TTBK1: variants seen among roughly 807,000 people sequenced by gnomAD.
The protein encoded by TTBK1 is tau-tubulin kinase 1.
A neutral mutation model predicts 108.5 loss-of-function variants in TTBK1; 34 were observed. The observed-to-expected ratio is 0.31, with a 90% CI of 0.24 to 0.42. The LOEUF (loss-of-function observed/expected upper bound fraction) is 0.42, where lower values mean the gene tolerates loss of function less well. Ranked by LOEUF, TTBK1 falls within the 10% of genes least tolerant of loss-of-function variation. The probability of loss-of-function intolerance (pLI) is 1.00; values close to 1 mark genes in which losing one functional copy is unlikely to be tolerated. For missense variants in TTBK1, 1,539 were observed against 1,826.0 expected (o/e 0.84, Z 2.86); for synonymous variants, 809 against 795.1 (o/e 1.02, Z -0.29).
In TTBK1 at chr6:43,269,360, G is replaced by C. The variant is rs199827162; in HGVS notation, c.1986+6010G>C. 3.2e-4 allele frequency among the ~76,000 whole-genome samples: 49 copies of C among 152,350 alleles called. No homozygotes were observed. Among genetic ancestry groups the C allele is most frequent in the East Asian group, 1.3e-3 (7 of 5,186 alleles). On this transcript the variant is annotated intron_variant, in intron 13 of 14. Transcript: ENST00000259750. This position sits in a 1 kb window ranked among gnomAD's most constrained non-coding sequence, Gnocchi z 4.8. ...AGCTAGGTAGGACTAAGCCAGGAAG[G>C]CTTCTCGGAGGAGGTGAGTGACCAT...
At chr6:43,252,057 T>C (rs1777256891) in intron 2 of TTBK1, among the ~76,000 whole-genome samples, 2 of 152,060 alleles carry the variant, frequency 1.3e-5, no homozygotes, top group Non-Finnish European at 2.9e-5. Context: ...GGGAACATGA[T>C]ATTTGTTGTC....
intron 1 of TTBK1, among the ~76,000 whole-genome samples, chr6:43,245,927 C>T (rs1277189047): frequency 6.6e-6 from 1 of 152,198 alleles, no homozygotes. Flanking sequence ...AAATCCATGT[C>T]TTGAGTCCAT....
At position 43,243,556 on chromosome 6, in the gene TTBK1, G is replaced by A. The variant is rs1264469521; in HGVS notation, c.-207G>A. 1 of 152,720 alleles carries A rather than the reference G, an allele frequency of 6.5e-6. No individual in the cohort carries two copies. Among genetic ancestry groups the A allele is most frequent in the Non-Finnish European group, 1.5e-5 (1 of 68,094 alleles). The allele number at this position is 152,720 out of a possible 1,614,324, so 9.5% of individuals were successfully genotyped here. On this transcript the variant is annotated 5_prime_UTR_variant, in exon 1 of 15. It removes an upstream start codon present in the reference 5' UTR. Transcript: ENST00000259750. The surrounding 1 kb of genome is among the most constrained non-coding windows in gnomAD (Gnocchi z 5.5). Reference sequence around the variant, plus strand: ...GATCGGGGCCGGGCCGGGCCGGGATGATCCGGGTCGGAAGGCCGCCGCCGC... The same window carrying A: ...GATCGGGGCCGGGCCGGGCCGGGATAATCCGGGTCGGAAGGCCGCCGCCGC...
At chr6:43,264,464 A>G (rs1056693403) in intron 13 of TTBK1, among the ~76,000 whole-genome samples, 14 of 152,222 alleles carry the variant, frequency 9.2e-5, no homozygotes, top group African/African-American at 3.1e-4. Context: ...CCTGAGGCTC[A>G]GGAGAGGGAT....
At position 43,282,942 on chromosome 6, in the gene TTBK1, A is replaced by AGAG. The variant is rs752058712; in HGVS notation, c.2217_2219dup (p.Glu740dup). On this transcript the variant is annotated inframe_insertion, in exon 14 of 15. Transcript: ENST00000259750. The surrounding 1 kb of genome is among the most constrained non-coding windows in gnomAD (Gnocchi z 5.4). ...AGCCTCAGGCTAATGGGAAGGAGGA[A>AGAG]GAGGAGGAGGAGGAGGAAGATGAGG... The AGAG allele has an allele frequency of 5.6e-4, 891 of 1,579,850 alleles. 6 individuals are homozygous for AGAG. Among genetic ancestry groups the AGAG allele is most frequent in the Admixed American group, 6.6e-4 (39 of 58,970 alleles).
rs1261653638 is a variant in TTBK1 at position 43,269,288 on chromosome 6, C to T, written c.1986+5938C>T. On this transcript the variant is annotated intron_variant, in intron 13 of 14. Coordinates refer to ENST00000259750, the MANE Select transcript of TTBK1 (RefSeq NM_032538.3). This position sits in a 1 kb window ranked among gnomAD's most constrained non-coding sequence, Gnocchi z 4.8. ...TGGCAAGGAACTCTCTCAGAGCACACAGCCACGTTCCTGAGAGAAAGGGTT... is the reference window on the plus strand; with the variant it reads ...TGGCAAGGAACTCTCTCAGAGCACATAGCCACGTTCCTGAGAGAAAGGGTT... Among the ~76,000 whole-genome samples the T allele has an allele frequency of 6.6e-6, 1 of 152,208 alleles. No individual in the cohort carries two copies. Among genetic ancestry groups the T allele is most frequent in the Non-Finnish European group, 1.5e-5 (1 of 68,034 alleles).
intron 13 of TTBK1, chr6:43,270,291 T>G: frequency 9.1e-7 from 1 of 1,103,864 alleles, no homozygotes; most frequent in Non-Finnish European, 1.1e-6. Context: ...GTCAGGGAGA[T>G]GAGGCCTGCA....
chr6:43,266,481 A>T (rs544692153), intron 13 of TTBK1, among the ~76,000 whole-genome samples: 4 of 152,216 alleles, frequency 2.6e-5, no homozygotes, highest in Non-Finnish European at 4.4e-5. Flanking sequence ...AAGTAAGAAA[A>T]CTAAGACTCA....
At position 43,284,290 on chromosome 6, in the gene TTBK1, T is replaced by C. The variant is rs1162285310; in HGVS notation, c.3550T>C (p.Leu1184=). The C allele has an allele frequency of 3.2e-6, 5 of 1,581,636 alleles. No individual in the cohort carries two copies. The African/African-American group carries it at 6.7e-5, about 21-fold the overall frequency. ...ASRSHGAAPA[L]DTAITSRLQL... is the part of the protein sequence containing the mutation. ...CAGATCCCATGGCGCGGCCCCAGCA[T>C]TGGACACAGCCATCACCAGCAGGTG... The change falls in exon 14 of 15, where the codon TTG becomes CTG. Residue 1184 remains leucine (L), a synonymous_variant. Coordinates refer to ENST00000259750, the MANE Select transcript of TTBK1 (RefSeq NM_032538.3).
At chr6:43,247,338 C>A (rs991054800) in intron 2 of TTBK1, among the ~76,000 whole-genome samples, 3 of 152,182 alleles carry the variant, frequency 2.0e-5, no homozygotes, top group Admixed American at 1.3e-4. Context: ...TCGGGCTGCT[C>A]GGCCTGCTGG....
Position 43,283,646 on chromosome 6 carries a change from G to A in TTBK1, c.2906G>A (p.Gly969Asp). ...ELGLELASDGGAVEEGARAPL... is the reference protein window; with the variant it reads ...ELGLELASDGDAVEEGARAPL... ...GGTCTGGAGCTGGCCTCTGATGGGG[G>A]CGCTGTGGAGGAGGGGGCCCGAGCG... The change falls in exon 14 of 15, where the codon GGC (glycine) becomes GAC (aspartate). Residue 969 changes from glycine to aspartate, a missense_variant. Transcript: ENST00000259750. The surrounding 1 kb of genome is among the most constrained non-coding windows in gnomAD (Gnocchi z 8.1). 3 of 1,614,056 alleles carry A rather than the reference G, an allele frequency of 1.9e-6. No homozygotes were observed. The highest frequency in any genetic ancestry group is 1.7e-6 in the Non-Finnish European group (2 of 1,179,982).
rs1273240271 is a variant in TTBK1, at chr6:43,269,926, G to T, written c.1986+6576G>T. The T allele has an allele frequency of 6.7e-7, 1 of 1,483,052 alleles. No individual in the cohort carries two copies. The highest frequency in any genetic ancestry group is 8.9e-7 in the Non-Finnish European group (1 of 1,118,728). The allele number at this position is 1,483,052 out of a possible 1,614,324, so 91.9% of individuals were successfully genotyped here. A position where few individuals can be genotyped will look rare whatever the true frequency, so the allele number is the denominator to read the frequency against. On this transcript the variant is annotated intron_variant, in intron 13 of 14. Coordinates refer to ENST00000259750, the MANE Select transcript of TTBK1 (RefSeq NM_032538.3). This position sits in a 1 kb window ranked among gnomAD's most constrained non-coding sequence, Gnocchi z 4.8. ...TCGCGGTCCCAGCTGCAGCAGGTGT[G>T]GGCCCGGTTCACCCACAAGACCTAG...
In TTBK1 at chr6:43,269,565, G is replaced by A; in HGVS notation, c.1986+6215G>A. ...CGCCGGCGCCGCAGGGGCTGTGAGC[G>A]GTGGGTGGCCCCGGAGACGGAGCTG... is the stretch of plus-strand genomic sequence containing the variant. On this transcript the variant is annotated intron_variant, in intron 13 of 14. Coordinates refer to ENST00000259750, the MANE Select transcript of TTBK1 (RefSeq NM_032538.3). This position sits in a 1 kb window ranked among gnomAD's most constrained non-coding sequence, Gnocchi z 4.8. 2 of 1,438,270 alleles carry A rather than the reference G, an allele frequency of 1.4e-6. No individual in the cohort carries two copies. Among genetic ancestry groups the A allele is most frequent in the South Asian group, 1.4e-5 (1 of 70,290 alleles). The allele number at this position is 1,438,270 out of a possible 1,614,324, so 89.1% of individuals were successfully genotyped here.
chr6:43,276,371 G>C lies in TTBK1; in HGVS notation c.1987-6356G>C, dbSNP rs558298207. ...TTAGTGTACATAGCGGCGTCGGGGG[G>C]TGGCCCCAGGCCCGGGTAGAAAAGC... is the stretch of plus-strand genomic sequence containing the variant. On this transcript the variant is annotated intron_variant, in intron 13 of 14. Coordinates refer to ENST00000259750, the MANE Select transcript of TTBK1 (RefSeq NM_032538.3). This position sits in a 1 kb window ranked among gnomAD's most constrained non-coding sequence, Gnocchi z 5.4. Among the ~76,000 whole-genome samples, 1 of 152,042 alleles carries C rather than the reference G, an allele frequency of 6.6e-6. No homozygotes were observed. The highest frequency in any genetic ancestry group is 1.5e-5 in the Non-Finnish European group (1 of 67,994).
intron 2 of TTBK1, among the ~76,000 whole-genome samples, chr6:43,249,283 C>T (rs72867580): frequency 0.016 from 2,375 of 152,210 alleles, 30 homozygotes; most frequent in Non-Finnish European, 0.026. Context: ...CTCCCAAGGA[C>T]CAGTGCCGAT....
chr6:43,280,030 TCTAA>T (rs1170146890), intron 13 of TTBK1, among the ~76,000 whole-genome samples: 2 of 151,976 alleles, frequency 1.3e-5, no homozygotes, highest in Non-Finnish European at 2.9e-5. Flanking sequence ...AAGAAAACTT[TCTAA>T]CTAAGAAAAG....
chr6:43,270,414 GGTGTGTGTGTGTGTGTGTGTGTGT>G (rs3078973), intron 13 of TTBK1: 2 of 928,058 alleles, frequency 2.2e-6, no homozygotes, highest in African/African-American at 1.9e-5. Flanking sequence ...CTCCTTGCAT[GGTGTGTGTGTGTGTGTGTGTGTGT>G]GTGTGTGTGT....
Position 43,257,017 on chromosome 6 carries a change from A to G in TTBK1, c.862-795A>G, listed in dbSNP as rs7764257. On this transcript the variant is annotated intron_variant, in intron 9 of 14. Transcript: ENST00000259750. This position sits in a 1 kb window ranked among gnomAD's most constrained non-coding sequence, Gnocchi z 4.5. Reference sequence around the variant, plus strand: ...CAGTGTTCTGCCTGGGATCCACTACACGCCAGGCACGATGCTGCATACTGT... The same window carrying G: ...CAGTGTTCTGCCTGGGATCCACTACGCGCCAGGCACGATGCTGCATACTGT... 0.32 allele frequency among the ~76,000 whole-genome samples: 48,643 copies of G among 151,944 alleles called. 7,839 individuals are homozygous for G. Among genetic ancestry groups the G allele is most frequent in the East Asian group, 0.37 (1,883 of 5,148 alleles).
At position 43,262,830 on chromosome 6, in the gene TTBK1, GCTC is replaced by G; in HGVS notation, c.1470_1472del (p.Ser491del). 1 of 1,598,292 alleles carries G rather than the reference GCTC, an allele frequency of 6.3e-7. No individual in the cohort carries two copies. The highest frequency in any genetic ancestry group is 2.2e-5 in the East Asian group (1 of 44,460). On this transcript the variant is annotated inframe_deletion, in exon 13 of 15. Coordinates refer to ENST00000259750, the MANE Select transcript of TTBK1 (RefSeq NM_032538.3). ...CCTGGCTCGCCCTCGCGCCAGGCCTGCTCCTCTCAGCCAGCCCAGATGCTGTCA... is the reference window on the plus strand; with the variant it reads ...CCTGGCTCGCCCTCGCGCCAGGCCTGCTCTCAGCCAGCCCAGATGCTGTCA...
Sources: gnomAD v4.1 joint callset for allele counts (sites outside exome capture counted in the v4.1 genomes callset) on GRCh38, gnomAD v4.1.1 for gene constraint, Gnocchi (gnomAD v3.1) non-coding constraint, MANE v1.5 for transcripts, NCBI Gene and HGNC (gene_info 2026-07-23, HGNC 2026-07-21) for gene names.